Variants in FAM186A observed in about 807,000 individuals in gnomAD.
The protein encoded by FAM186A is protein FAM186A.
In FAM186A, 163 loss-of-function variants were observed where a neutral mutation model predicts 216.8. The ratio of observed to expected loss-of-function variants is 0.75; its 90% CI spans 0.66 to 0.86. The LOEUF (loss-of-function observed/expected upper bound fraction) is 0.86. Ranked by LOEUF, FAM186A falls within the 40% of genes least tolerant of loss-of-function variation. The probability of loss-of-function intolerance (pLI) is 0.00; values close to 1 mark genes in which losing one functional copy is unlikely to be tolerated. For synonymous variants in FAM186A, 805 were observed against 1,025.3 expected (o/e 0.79, Z 4.10); for missense variants, 2,184 against 2,746.2 (o/e 0.80, Z 4.58).
intron 4 of FAM186A, among the ~76,000 whole-genome samples, chr12:50,342,969 G>T (rs1942779798): frequency 1.3e-5 from 2 of 149,318 alleles, no homozygotes; most frequent in Non-Finnish European, 3.0e-5. Flanking sequence ...ATGGAGTCAG[G>T]CTGGGTGCAG....
intron 4 of FAM186A, among the ~76,000 whole-genome samples, chr12:50,343,276 A>G (rs1401034420): frequency 6.6e-6 from 1 of 152,110 alleles, no homozygotes; most frequent in Non-Finnish European, 1.5e-5. Context: ...TCCTGGCCTC[A>G]AGCAATCCTC....
rs1346884100 is a variant in FAM186A, at chr12:50,355,099, C to T, written c.1733G>A (p.Gly578Asp). ...EPTTESLDKE[G>D]KGEIRSLVEP... ...CACTAGGCTTCTAATTTCACCTTTG[C>T]CCTCTTTGTCCAATGACTCAGTGGT... The change falls in exon 4 of 8, where the codon GGC (glycine) becomes GAC (aspartate). Residue 578 changes from glycine (G) to aspartate (D), a missense_variant. Gly to Asp is a moderately conservative substitution (Grantham distance 94, BLOSUM62 -1). Transcript: ENST00000327337. 6.4e-7 allele frequency: 1 copy of T among 1,551,512 alleles called. No individual in the cohort carries two copies. Among genetic ancestry groups the T allele is most frequent in the East Asian group, 2.4e-5 (1 of 40,920 alleles).
intron 1 of FAM186A, among the ~76,000 whole-genome samples, chr12:50,373,053 A>AAGAAAGAG: frequency 6.7e-6 from 1 of 149,308 alleles, no homozygotes; most frequent in Non-Finnish European, 1.5e-5. Context: ...GAAAGAAAGA[A>AAGAAAGAG]AGAAAGAAAG....
At position 50,396,287 on chromosome 12, in the gene FAM186A, A is replaced by G. The variant is rs985517894; in HGVS notation, c.192+6T>C. On this transcript the variant is annotated splice_donor_region_variant and intron_variant, in intron 1 of 7. Transcript: ENST00000327337. Reference sequence around the variant, plus strand: ...GCAGTCTGTAAACTTCAGATTCACTACCTACCTCTCTGGCTCGATGGAGCT... The same window carrying G: ...GCAGTCTGTAAACTTCAGATTCACTGCCTACCTCTCTGGCTCGATGGAGCT... The G allele has an allele frequency of 3.9e-6, 6 of 1,520,722 alleles. No individual in the cohort carries two copies. Among genetic ancestry groups the G allele is most frequent in the African/African-American group, 1.4e-5 (1 of 72,004 alleles). 94.2% of individuals were successfully genotyped at this position (1,520,722 alleles called of 1,614,324 possible).
intron 1 of FAM186A, among the ~76,000 whole-genome samples, chr12:50,379,481 A>AAC (rs1466531021): frequency 5.7e-4 from 5 of 8,764 alleles, no homozygotes; most frequent in African/African-American, 6.5e-4. Context: ...AACAAAAACA[A>AAC]AAACAAAAAA....
At chr12:50,329,596 C>T (rs751462786) in intron 7 of FAM186A, among the ~76,000 whole-genome samples, 1 of 150,172 alleles carries the variant, frequency 6.7e-6, no homozygotes, top group Non-Finnish European at 1.5e-5. Flanking sequence ...TGAATTAACA[C>T]TACTTTTTTT....
rs1432583404 is a variant in FAM186A, at chr12:50,356,064, A to C, written c.768T>G (p.Asn256Lys). The change falls in exon 4 of 8, where the codon AAT (asparagine) becomes AAG (lysine). Residue 256 changes from asparagine (N) to lysine (K), a missense_variant. Physicochemically the swap from Asn to Lys is moderately conservative, Grantham distance 94. Transcript: ENST00000327337. ...TTGTTGATGATATATATTTAATAGC[A>C]TTGTTTTCCAATGTACTGAACATTG... ...GTTMFSTLEN[N>K]AIKYISSTIV... 3.9e-6 allele frequency: 6 copies of C among 1,551,518 alleles called. No homozygotes were observed. The highest frequency in any genetic ancestry group is 2.0e-5 in the Admixed American group (1 of 50,976).
Position 50,352,879 on chromosome 12 carries a change from T to G in FAM186A, c.3953A>C (p.Gln1318Pro). The change falls in exon 4 of 8, where the codon CAG becomes CCG. Residue 1318 changes from glutamine to proline, a missense_variant. Transcript: ENST00000327337. ...AGGGATCCCCAGGGCCTGCGCCTGC[T>G]GAGGGGTGAAAGGGATCCCCAGAGC... ...AQALGIPFTP[Q>P]QAQALGIPLT... 6.5e-7 allele frequency: 1 copy of G among 1,536,554 alleles called. No individual in the cohort carries two copies. The highest frequency in any genetic ancestry group is 8.8e-7 in the Non-Finnish European group (1 of 1,139,158).
intron 4 of FAM186A, among the ~76,000 whole-genome samples, chr12:50,346,216 A>AGAGAGAGAGAAG (rs1482237092): frequency 8.8e-6 from 1 of 113,440 alleles, no homozygotes; most frequent in Non-Finnish European, 1.8e-5. Context: ...AGAGAGAGAG[A>AGAGAGAGAGAAG]GAAGGAAAGA....
intron 5 of FAM186A, among the ~76,000 whole-genome samples, chr12:50,332,449 C>G (rs1942665188): frequency 6.6e-6 from 1 of 152,246 alleles, no homozygotes; most frequent in South Asian, 2.1e-4. Context: ...GACCACCATG[C>G]TGATTCAGTG....
At position 50,352,044 on chromosome 12, in the gene FAM186A, C is replaced by T. The variant is rs12317332; in HGVS notation, c.4788G>A (p.Ala1596=). 22 of 897,428 alleles carry T rather than the reference C, an allele frequency of 2.5e-5. 4 individuals are homozygous for T. In the Middle Eastern group the frequency reaches 1.7e-3, roughly 68 times the overall value. The allele number at this position is 897,428 out of a possible 1,614,324, so 55.6% of individuals were successfully genotyped here. A position where few individuals can be genotyped will look rare whatever the true frequency, so the allele number is the denominator to read the frequency against. Residue 1596 remains alanine, a synonymous_variant, in exon 4 of 8, where the codon GCG becomes GCA. Transcript: ENST00000327337. ...ELGIPLTPQQ[A]QELGIPLTPQ... ...GGGTGAGAGGGATCCCCAGTTCCTG[C>T]GCCTGCTGAGGGGTGAGAGGGATCC... is the stretch of plus-strand genomic sequence containing the variant.
chr12:50,388,695 G>A (rs1484884239), intron 1 of FAM186A, among the ~76,000 whole-genome samples: 1 of 151,726 alleles, frequency 6.6e-6, no homozygotes, highest in Non-Finnish European at 1.5e-5. Context: ...AAGGATTAAT[G>A]AGAACAATTC....
At chr12:50,327,600 G>A (rs937294859) in intron 7 of FAM186A, among the ~76,000 whole-genome samples, 196 bp from the exon 8 acceptor site, 2 of 147,626 alleles carry the variant, frequency 1.4e-5, no homozygotes, top group African/African-American at 5.0e-5. Flanking sequence ...GTAGTACAGT[G>A]GTGCCATCTC....
At chr12:50,375,431 C>T (rs1270338415) in intron 1 of FAM186A, among the ~76,000 whole-genome samples, 1 of 151,814 alleles carries the variant, frequency 6.6e-6, no homozygotes, top group African/African-American at 2.4e-5. Context: ...CACCTATAAT[C>T]CCAGCTACTT....
At chr12:50,377,200 C>T (rs754768334) in intron 1 of FAM186A, among the ~76,000 whole-genome samples, 4 of 152,030 alleles carry the variant, frequency 2.6e-5, no homozygotes, top group Non-Finnish European at 4.4e-5. Flanking sequence ...GGTGTAATGA[C>T]GGACAAATAC....
rs141395900 is a variant in FAM186A, at chr12:50,373,339, G to A, written c.193-9975C>T. On this transcript the variant is annotated intron_variant, in intron 1 of 7. Coordinates refer to ENST00000327337, the MANE Select transcript of FAM186A (RefSeq NM_001145475.3). ...TCAAACCCGGCAGGCAGAGGTTGCA[G>A]TGAGCCGAGACCACACCATTGCACT... 7.6e-3 allele frequency among the ~76,000 whole-genome samples: 1,151 copies of A among 152,198 alleles called. 15 individuals carry two copies. The highest frequency in any genetic ancestry group is 0.026 in the African/African-American group (1,062 of 41,528).
intron 1 of FAM186A, among the ~76,000 whole-genome samples, chr12:50,364,897 G>A (rs765603953): frequency 5.9e-5 from 9 of 151,788 alleles, no homozygotes; most frequent in Non-Finnish European, 1.2e-4. Flanking sequence ...AAATAGCCAG[G>A]CATTGTGGTG....
intron 1 of FAM186A, among the ~76,000 whole-genome samples, chr12:50,386,159 T>C (rs908918163): frequency 3.3e-5 from 5 of 152,160 alleles, no homozygotes; most frequent in African/African-American, 9.7e-5. Context: ...CCAGGCATAG[T>C]AGCTTACGCC....
intron 1 of FAM186A, among the ~76,000 whole-genome samples, chr12:50,382,794 T>C (rs577171916): frequency 6.6e-6 from 1 of 152,290 alleles, no homozygotes; most frequent in Admixed American, 6.5e-5. Context: ...CAGAATTTAC[T>C]TGTTTGCTTC....
Sources: allele counts gnomAD v4.1 joint callset (sites outside exome capture counted in the v4.1 genomes callset), GRCh38; gene constraint gnomAD v4.1.1; transcripts MANE v1.5; gene names NCBI Gene and HGNC (gene_info 2026-07-23, HGNC 2026-07-21).